Variants in CNTNAP2 observed in about 807,000 individuals in gnomAD.
CNTNAP2 encodes contactin associated protein 2, also known as contactin-associated protein-like 2.
CNTNAP2 carries 98 observed loss-of-function variants against 155.2 expected under a neutral mutation model. That is an observed-to-expected ratio of 0.63 (90% CI 0.54 to 0.75). CNTNAP2 has a LOEUF of 0.75. Ranked by LOEUF, CNTNAP2 falls within the 30% of genes least tolerant of loss-of-function variation. The pLI is 0.00. For missense variants in CNTNAP2, 1,727 were observed against 1,688.1 expected, an observed-to-expected ratio of 1.02 and a Z score of -0.40; for synonymous variants, 651 against 631.2, an observed-to-expected ratio of 1.03 and a Z score of -0.47.
At chr7:148,199,017 G>T (rs1795325064) in intron 18 of CNTNAP2, among the ~76,000 whole-genome samples, 2 of 152,306 alleles carry the variant, frequency 1.3e-5, no homozygotes, top group South Asian at 4.1e-4. Flanking sequence ...GGGAGAAGAG[G>T]TGCAGATTAG....
At chr7:146,120,333 G>A (rs572417077) in intron 1 of CNTNAP2, among the ~76,000 whole-genome samples, 1 of 152,070 alleles carries the variant, frequency 6.6e-6, no homozygotes, top group Non-Finnish European at 1.5e-5. Flanking sequence ...CACATTATTT[G>A]CTTAATGCAA....
rs144929007 is a variant in CNTNAP2, at chr7:147,042,085, T to G, written c.403-1822T>G. On this transcript the variant is annotated intron_variant, in intron 3 of 23. Coordinates refer to ENST00000361727, the MANE Select transcript of CNTNAP2 (RefSeq NM_014141.6). ...TAGAAATTGTTTTTCTGATGAAATTTTGTCAACAAGATGCAATGAGGATGC... is the reference window on the plus strand; with the variant it reads ...TAGAAATTGTTTTTCTGATGAAATTGTGTCAACAAGATGCAATGAGGATGC... Among the ~76,000 whole-genome samples the G allele has an allele frequency of 3.7e-3, 567 of 152,296 alleles. 8 individuals are homozygous for G. The highest frequency in any genetic ancestry group is 0.014 in the Middle Eastern group (4 of 294).
intron 1 of CNTNAP2, among the ~76,000 whole-genome samples, chr7:146,283,333 TAAC>T (rs1800278950): frequency 6.6e-6 from 1 of 151,980 alleles, no homozygotes; most frequent in Admixed American, 6.5e-5. Context: ...TTTATACTAC[TAAC>T]ATCATGGGAG....
At chr7:146,237,168 T>C (rs545184920) in intron 1 of CNTNAP2, among the ~76,000 whole-genome samples, 80 of 152,290 alleles carry the variant, frequency 5.3e-4, no homozygotes, top group African/African-American at 1.5e-3. Flanking sequence ...AAGCAGGACC[T>C]TGGCAGGGAA....
At chr7:146,764,496 T>A (rs1336038158) in intron 1 of CNTNAP2, among the ~76,000 whole-genome samples, 1 of 151,572 alleles carries the variant, frequency 6.6e-6, no homozygotes, top group African/African-American at 2.4e-5. Context: ...TCTTTTAAAT[T>A]AGAAGATCAA....
At chr7:146,302,422 G>T in intron 1 of CNTNAP2, among the ~76,000 whole-genome samples, 1 of 152,086 alleles carries the variant, frequency 6.6e-6, no homozygotes, top group East Asian at 1.9e-4. Flanking sequence ...AGTGCCTATT[G>T]TATGGCAGAA....
chr7:148,137,085 A>T (rs886541371), intron 16 of CNTNAP2, among the ~76,000 whole-genome samples: 4 of 152,210 alleles, frequency 2.6e-5, no homozygotes, highest in African/African-American at 9.6e-5. Flanking sequence ...ACATGGAAAC[A>T]TATGAACTCA....
At chr7:146,389,052 A>G (rs184100982) in intron 1 of CNTNAP2, among the ~76,000 whole-genome samples, 39 of 152,292 alleles carry the variant, frequency 2.6e-4, no homozygotes. Context: ...CCAAAACAAA[A>G]CAAAAAAACT....
chr7:147,931,712 A>G (rs1445431319), intron 14 of CNTNAP2, among the ~76,000 whole-genome samples: 2 of 152,188 alleles, frequency 1.3e-5, no homozygotes, highest in Non-Finnish European at 2.9e-5. Context: ...GCTGAAAACT[A>G]TGAAACATTG....
At chr7:147,385,938 A>C (rs1796618643) in intron 9 of CNTNAP2, among the ~76,000 whole-genome samples, 2 of 152,210 alleles carry the variant, frequency 1.3e-5, no homozygotes, top group African/African-American at 2.4e-5. Flanking sequence ...GCATCCATGC[A>C]TTTCCATACA....
chr7:147,439,158 G>A (rs1797599316), intron 10 of CNTNAP2, among the ~76,000 whole-genome samples: 2 of 151,722 alleles, frequency 1.3e-5, no homozygotes, highest in African/African-American at 4.8e-5. Context: ...TGCTTTTCCA[G>A]TTCTTTAAGA....
intron 9 of CNTNAP2, among the ~76,000 whole-genome samples, chr7:147,372,577 G>A (rs2116917183): frequency 6.6e-6 from 1 of 152,158 alleles, no homozygotes; most frequent in African/African-American, 2.4e-5. Flanking sequence ...TAATTCAGTA[G>A]CACTCAATAC....
intron 4 of CNTNAP2, among the ~76,000 whole-genome samples, chr7:147,073,293 G>C (rs1195749074): frequency 7.3e-6 from 1 of 137,408 alleles, no homozygotes; most frequent in Non-Finnish European, 1.5e-5. Flanking sequence ...ATCATCCTTA[G>C]TAAACTAATG....
At chr7:147,068,548 G>T (rs1432635525) in intron 4 of CNTNAP2, among the ~76,000 whole-genome samples, 3 of 152,016 alleles carry the variant, frequency 2.0e-5, no homozygotes. Flanking sequence ...TAGTAGAGAT[G>T]GGGTTTCACC....
At chr7:147,685,199 A>C (rs961782215) in intron 13 of CNTNAP2, among the ~76,000 whole-genome samples, 1 of 152,036 alleles carries the variant, frequency 6.6e-6, no homozygotes, top group South Asian at 2.1e-4. Flanking sequence ...CACCAAAATC[A>C]GCATTCCTGA....
chr7:148,026,806 A>G (rs1469175514), intron 15 of CNTNAP2, among the ~76,000 whole-genome samples: 1 of 152,186 alleles, frequency 6.6e-6, no homozygotes, highest in African/African-American at 2.4e-5. Flanking sequence ...GTATGAAAAT[A>G]ATGACACTGC....
intron 9 of CNTNAP2, among the ~76,000 whole-genome samples, chr7:147,340,261 A>G (rs975766604): frequency 5.9e-5 from 9 of 152,148 alleles, no homozygotes; most frequent in Non-Finnish European, 1.3e-4. Context: ...GTCCCCTCAC[A>G]TGCAACAAGG....
chr7:147,717,355 T>C (rs1250482735), intron 13 of CNTNAP2, among the ~76,000 whole-genome samples: 1 of 152,110 alleles, frequency 6.6e-6, no homozygotes, highest in Non-Finnish European at 1.5e-5. Context: ...TTAGGCCTGG[T>C]TGAAAAGTGG....
intron 18 of CNTNAP2, among the ~76,000 whole-genome samples, chr7:148,202,304 G>C (rs1795381197): frequency 6.6e-6 from 1 of 152,176 alleles, no homozygotes; most frequent in African/African-American, 2.4e-5. Flanking sequence ...GAGTGTTTCA[G>C]ATAGTAGTAT....
Sources: gnomAD v4.1 joint callset for allele counts (sites outside exome capture counted in the v4.1 genomes callset) on GRCh38, gnomAD v4.1.1 for gene constraint, MANE v1.5 for transcripts, NCBI Gene and HGNC (gene_info 2026-07-23, HGNC 2026-07-21) for gene names.